Variants in ZNF69 observed in about 807,000 individuals in gnomAD.
The protein encoded by ZNF69 is ZNF3.
Under a neutral mutation model 50.9 loss-of-function variants are expected in ZNF69, and 47 were observed. The ratio of observed to expected loss-of-function variants is 0.92; its 90% CI spans 0.73 to 1.18. ZNF69 has a LOEUF of 1.18. ZNF69 is among the 50% of genes most tolerant of loss of function. The pLI is 0.00. For missense variants in ZNF69, 717 were observed against 675.1 expected (o/e 1.06, Z -0.69); for synonymous variants, 216 against 223.1 (o/e 0.97, Z 0.29).
the ZNF69 span, among the ~76,000 whole-genome samples, chr19:11,945,476 A>G: frequency 1.3e-5 from 2 of 152,270 alleles, no homozygotes; most frequent in Admixed American, 6.5e-5. Context: ...GCAAAGGACT[A>G]TAATTCCAAA....
chr19:11,966,662 C>A, the ZNF69 span, among the ~76,000 whole-genome samples: 1 of 152,194 alleles, frequency 6.6e-6, no homozygotes, highest in African/African-American at 2.4e-5. Context: ...ATGTGAGCCA[C>A]CTCGCCTGGC....
intron 1 of ZNF69, among the ~76,000 whole-genome samples, chr19:11,893,903 A>G (rs1977157641): frequency 6.6e-6 from 1 of 152,194 alleles, no homozygotes; most frequent in African/African-American, 2.4e-5. Flanking sequence ...TTGAGGAAAA[A>G]GAGAAATGAT....
chr19:11,917,987 T>C (rs1269703692), downstream of ZNF69, among the ~76,000 whole-genome samples: 2 of 152,102 alleles, frequency 1.3e-5, no homozygotes, highest in Non-Finnish European at 2.9e-5. Context: ...GGTTTCACCA[T>C]GTTGTCCAGG....
the ZNF69 span, chr19:11,979,483 C>T: frequency 1.2e-5 from 19 of 1,602,360 alleles, no homozygotes; most frequent in South Asian, 2.2e-5. Flanking sequence ...GTGGGAAAGG[C>T]TTTTATTCTC....
chr19:11,906,010 A>T lies in ZNF69; in HGVS notation c.1613A>T (p.Gln538Leu). 1 of 1,614,066 alleles carries T rather than the reference A, an allele frequency of 6.2e-7. No individual in the cohort carries two copies. The highest frequency in any genetic ancestry group is 1.3e-5 in the African/African-American group (1 of 75,036). Residue 538 changes from glutamine (Q) to leucine (L), a missense_variant, in exon 4 of 4, where the codon CAA (glutamine) becomes CTA (leucine). Coordinates refer to ENST00000429654, the MANE Select transcript of ZNF69 (RefSeq NM_001364730.1). ...GGAGAGAAACCCTATAAATGCAAGCAATGTGGGAAAGCCTTCAGAGCTGCC... is the reference window on the plus strand; with the variant it reads ...GGAGAGAAACCCTATAAATGCAAGCTATGTGGGAAAGCCTTCAGAGCTGCC... Reference protein sequence around the residue: ...HTGEKPYKCKQCGKAFRAASV... With the variant: ...HTGEKPYKCKLCGKAFRAASV...
the ZNF69 span, among the ~76,000 whole-genome samples, chr19:11,957,130 C>T: frequency 2.0e-5 from 3 of 147,002 alleles, no homozygotes; most frequent in Non-Finnish European, 3.0e-5. Context: ...CTCGCTCTGT[C>T]GCCCAGGCTG....
chr19:11,934,982 C>G, the ZNF69 span, among the ~76,000 whole-genome samples: 2,212 of 146,602 alleles, frequency 0.015, 368 homozygotes, highest in African/African-American at 0.057. Context: ...TCAAGACCAT[C>G]CTGGCTAACA....
intron 1 of ZNF69, among the ~76,000 whole-genome samples, chr19:11,896,159 C>A (rs1599347986): frequency 7.2e-6 from 1 of 139,078 alleles, no homozygotes; most frequent in South Asian, 2.3e-4. Context: ...ATGGAGGTTG[C>A]AGTGAGCCGA....
At chr19:11,949,363 G>C in the ZNF69 span, 2 of 1,613,688 alleles carry the variant, frequency 1.2e-6, no homozygotes, top group African/African-American at 2.7e-5. Context: ...GAAACCCTAT[G>C]AATGTAAGGA....
At chr19:11,894,264 G>A (rs1202852595) in intron 1 of ZNF69, among the ~76,000 whole-genome samples, 30 of 152,052 alleles carry the variant, frequency 2.0e-4, no homozygotes. Context: ...CCGCCTCCCG[G>A]GTTCATGCCA....
At chr19:11,949,350 A>C in the ZNF69 span, 1 of 1,613,806 alleles carries the variant, frequency 6.2e-7, no homozygotes, top group South Asian at 1.1e-5. Context: ...CTCACACTGG[A>C]GAGAAACCCT....
At chr19:11,895,466 G>A (rs1388595014) in intron 1 of ZNF69, among the ~76,000 whole-genome samples, 1 of 152,204 alleles carries the variant, frequency 6.6e-6, no homozygotes, top group African/African-American at 2.4e-5. Context: ...AGAGCAAGCA[G>A]GCACTAGTTC....
the ZNF69 span, among the ~76,000 whole-genome samples, chr19:11,959,537 C>A: frequency 1.7e-3 from 255 of 152,200 alleles, 2 homozygotes; most frequent in African/African-American, 5.8e-3. Flanking sequence ...ATTAATACAC[C>A]ATTAGTATTA....
the ZNF69 span, among the ~76,000 whole-genome samples, chr19:11,970,409 T>G: frequency 6.6e-6 from 1 of 152,184 alleles, no homozygotes; most frequent in Non-Finnish European, 1.5e-5. Context: ...GAGTAAAGTT[T>G]TCTTCTGTTA....
At chr19:11,966,310 G>C in the ZNF69 span, among the ~76,000 whole-genome samples, 1 of 152,162 alleles carries the variant, frequency 6.6e-6, no homozygotes, top group African/African-American at 2.4e-5. Flanking sequence ...TCAATTTTCA[G>C]GGTTTTTTGG....
chr19:11,926,920 G>A, the ZNF69 span, among the ~76,000 whole-genome samples: 1 of 152,122 alleles, frequency 6.6e-6, no homozygotes, highest in Non-Finnish European at 1.5e-5. Context: ...AATAGACTCA[G>A]TACTCCAAAA....
At chr19:11,927,422 TTAAATAAATAAA>T in the ZNF69 span, among the ~76,000 whole-genome samples, 1,280 of 143,130 alleles carry the variant, frequency 8.9e-3, 17 homozygotes, top group African/African-American at 0.03. Context: ...CTGTCTCTAT[TTAAATAAATAAA>T]TAAATAAATA....
At chr19:11,917,616 C>T (rs28704601), downstream of ZNF69, among the ~76,000 whole-genome samples, 14,290 of 145,982 alleles carry the variant, frequency 0.098, 1,403 homozygotes, top group African/African-American at 0.26. Flanking sequence ...TCTTTCCCCA[C>T]GCATCTGAGA....
chr19:11,948,523 C>T, the ZNF69 span: 4 of 1,611,508 alleles, frequency 2.5e-6, no homozygotes, highest in Non-Finnish European at 3.4e-6. Context: ...ATATAAGTGT[C>T]AACAACCTAA....
Sources: allele counts gnomAD v4.1 joint callset (sites outside exome capture counted in the v4.1 genomes callset), GRCh38; gene constraint gnomAD v4.1.1; transcripts MANE v1.5; gene names NCBI Gene and HGNC (gene_info 2026-07-23, HGNC 2026-07-21).